Variants in RP1 observed in about 807,000 individuals in gnomAD.
RP1 encodes the protein oxygen-regulated protein 1.
In RP1, 16 loss-of-function variants were observed where a neutral mutation model predicts 14.8. That is an observed-to-expected ratio of 1.08 (90% CI 0.73 to 1.65). The LOEUF (loss-of-function observed/expected upper bound fraction) is 1.65, where lower values mean the gene tolerates loss of function less well. RP1 is among the 40% of genes most tolerant of loss of function. The pLI is 0.00. For missense variants in RP1, 2,631 were observed against 2,535.0 expected, an observed-to-expected ratio of 1.04 and a Z score of -0.81; for synonymous variants, 876 against 883.6, an observed-to-expected ratio of 0.99 and a Z score of 0.15.
intron 18 of RP1, among the ~76,000 whole-genome samples, chr8:54,735,954 T>C (rs1808909201): frequency 6.6e-6 from 1 of 152,174 alleles, no homozygotes; most frequent in African/African-American, 2.4e-5. Context: ...TGATTGCACA[T>C]TGGAATTACC....
chr8:54,769,810 C>T, exon 23 of RP1: 1 of 1,522,356 alleles, frequency 6.6e-7, no homozygotes, highest in Non-Finnish European at 8.8e-7. Flanking sequence ...GTGAGGATTA[C>T]TGAAACCATC....
intron 12 of RP1, among the ~76,000 whole-genome samples, chr8:54,694,410 G>T (rs1443527891): frequency 5.3e-5 from 8 of 152,168 alleles, no homozygotes; most frequent in Admixed American, 5.2e-4. Context: ...GCTCCTCCTT[G>T]TAGCTCTGGT....
chr8:54,693,261 A>T (rs1407606122), intron 12 of RP1, among the ~76,000 whole-genome samples: 1 of 152,010 alleles, frequency 6.6e-6, no homozygotes, highest in Non-Finnish European at 1.5e-5. Flanking sequence ...TGATGCCTCC[A>T]GCTTTGTTCT....
intron 17 of RP1, among the ~76,000 whole-genome samples, chr8:54,728,853 C>T (rs979213678): frequency 2.0e-5 from 3 of 152,026 alleles, no homozygotes; most frequent in Admixed American, 2.0e-4. Flanking sequence ...AGATAATGGA[C>T]AAATGAACCC....
At chr8:54,818,046 A>G (rs1811174939) in intron 24 of RP1, among the ~76,000 whole-genome samples, 1 of 152,234 alleles carries the variant, frequency 6.6e-6, no homozygotes, top group Non-Finnish European at 1.5e-5. Context: ...AAAATTAGAT[A>G]AAAACAGCAA....
chr8:54,646,981 AC>A (rs1806563926), intron 3 of RP1, among the ~76,000 whole-genome samples: 1 of 152,224 alleles, frequency 6.6e-6, no homozygotes, highest in African/African-American at 2.4e-5. Context: ...ACTGTTAAAG[AC>A]AGACCATCCT....
intron 15 of RP1, chr8:54,720,016 T>A (rs1808496904): frequency 1.1e-6 from 1 of 880,016 alleles, no homozygotes; most frequent in Non-Finnish European, 1.7e-6. Flanking sequence ...GGCTCTAGAT[T>A]TATCATAGTG....
chr8:54,598,459 A>C (rs1805200588), intron 1 of RP1, among the ~76,000 whole-genome samples: 1 of 152,236 alleles, frequency 6.6e-6, no homozygotes, highest in African/African-American at 2.4e-5. Flanking sequence ...ATTGAGAGCC[A>C]CATAAGAAAA....
chr8:54,603,811 G>A (rs531941967), intron 1 of RP1, among the ~76,000 whole-genome samples: 87 of 152,250 alleles, frequency 5.7e-4, no homozygotes, highest in African/African-American at 1.9e-3. Flanking sequence ...TTATGAATGG[G>A]AGTTCACTCA....
At chr8:54,616,780 C>T (rs967383731) in intron 1 of RP1, among the ~76,000 whole-genome samples, 1 of 152,188 alleles carries the variant, frequency 6.6e-6, no homozygotes, top group East Asian at 1.9e-4. Flanking sequence ...GAAAATTAAA[C>T]TTAAAATATA....
chr8:54,869,304 C>T lies in RP1; in HGVS notation c.4152-539C>T, dbSNP rs879656358. ...TAGGTATAAGATACATTCCAGATTT[C>T]AAGAGTGGAGAATAAAAAAGAATGT... On this transcript the variant is annotated intron_variant, in intron 28 of 28. Coordinates refer to the RP1 transcript ENST00000637698. Among the ~76,000 whole-genome samples, 3 of 152,076 alleles carry T rather than the reference C, an allele frequency of 2.0e-5. 1 individual carries two copies. Among genetic ancestry groups the T allele is most frequent in the South Asian group, 4.1e-4 (2 of 4,820 alleles).
downstream of RP1, among the ~76,000 whole-genome samples, chr8:54,632,669 T>A (rs1280793733): frequency 1.3e-5 from 2 of 152,214 alleles, no homozygotes; most frequent in African/African-American, 2.4e-5. Context: ...TTTTGTATTT[T>A]TTTTAGTTTT....
rs140782088 is a variant in RP1, at chr8:54,602,061, G to A, written c.-12-18894G>A. 3.0e-3 allele frequency among the ~76,000 whole-genome samples: 459 copies of A among 152,282 alleles called. 13 individuals are homozygous for A. The East Asian group carries it at 0.078, about 26-fold the overall frequency. On this transcript the variant is annotated intron_variant, in intron 1 of 22. Coordinates refer to the RP1 transcript ENST00000636932. Reference sequence around the variant, plus strand: ...TCCATTTTTTTAAATTATGCTTTAAGTTTTAGGGTAAATGTGCACAACGTG... The same window carrying A: ...TCCATTTTTTTAAATTATGCTTTAAATTTTAGGGTAAATGTGCACAACGTG...
chr8:54,588,045 A>G (rs921313870), intron 1 of RP1, among the ~76,000 whole-genome samples: 7 of 152,218 alleles, frequency 4.6e-5, no homozygotes, highest in African/African-American at 1.7e-4. Flanking sequence ...TTTGAATTAC[A>G]GCACATTTCA....
chr8:54,718,714 T>C (rs1219498736), intron 15 of RP1, among the ~76,000 whole-genome samples: 1 of 152,152 alleles, frequency 6.6e-6, no homozygotes, highest in Non-Finnish European at 1.5e-5. Flanking sequence ...GAAACTTAAA[T>C]GCATATTGCA....
downstream of RP1, among the ~76,000 whole-genome samples, chr8:54,631,845 A>ATTT (rs36032942): frequency 2.1e-5 from 3 of 146,060 alleles, no homozygotes; most frequent in African/African-American, 7.5e-5. Context: ...AAGGGATAAG[A>ATTT]TTTTTTTTTT....
In RP1 at chr8:54,627,531, A is replaced by T. The variant is rs1043368323; in HGVS notation, c.3649A>T (p.Ile1217Phe). ...DLSANCSTVN[I>F]QSVPKCSENE... ...TTCTGCAAATTGTTCCACGGTCAAC[A>T]TTCAGAGTGTTCCTAAGTGCAGTGA... The change falls in exon 4 of 4, where the codon ATT becomes TTT. Residue 1217 changes from isoleucine to phenylalanine, a missense_variant. By Grantham distance (21) the Ile-to-Phe change is conservative. Coordinates refer to ENST00000220676, the MANE Select transcript of RP1 (RefSeq NM_006269.2). The T allele has an allele frequency of 6.2e-7, 1 of 1,614,078 alleles. No homozygotes were observed. Among genetic ancestry groups the T allele is most frequent in the African/African-American group, 1.3e-5 (1 of 74,958 alleles).
intron 13 of RP1, among the ~76,000 whole-genome samples, chr8:54,700,211 ATT>A (rs397958968): frequency 4.1e-5 from 6 of 144,870 alleles, no homozygotes; most frequent in Admixed American, 1.4e-4. Context: ...CTATACAATA[ATT>A]TTTTTTTTTT....
rs558772292 is a variant in RP1 at position 54,800,937 on chromosome 8, T to C, written c.3615+17227T>C. Among the ~76,000 whole-genome samples, 6 of 152,308 alleles carry C rather than the reference T, an allele frequency of 3.9e-5. No individual in the cohort carries two copies. The East Asian group carries it at 1.2e-3, about 29-fold the overall frequency. ...AGGTTTTGTTGTTGTTGTTAGAAGC[T>C]GGATGTGTTGTATAGAACAGTAGAT... is the stretch of plus-strand genomic sequence containing the variant. On this transcript the variant is annotated intron_variant, in intron 24 of 28. Transcript: ENST00000637698.
Sources: allele counts gnomAD v4.1 joint callset (sites outside exome capture counted in the v4.1 genomes callset), GRCh38; gene constraint gnomAD v4.1.1; transcripts MANE v1.5; gene names NCBI Gene and HGNC (gene_info 2026-07-23, HGNC 2026-07-21).